Variants in FOXK2 observed in about 807,000 individuals in gnomAD.
FOXK2 encodes forkhead box K2.
In FOXK2, 24 loss-of-function variants were observed where a neutral mutation model predicts 53.3. That is an observed-to-expected ratio of 0.45 (90% confidence interval 0.33 to 0.63). The LOEUF (loss-of-function observed/expected upper bound fraction) is 0.63. FOXK2 is among the 30% of genes least tolerant of loss of function. The pLI, the probability that FOXK2 is intolerant of heterozygous loss-of-function variation, is 0.03. For synonymous variants in FOXK2, 505 were observed against 407.1 expected (o/e 1.24, Z -2.89); for missense variants, 952 against 910.5 (o/e 1.05, Z -0.59).
rs200821139 is a variant in FOXK2 at position 82,587,100 on chromosome 17, G to A, written c.1614G>A (p.Thr538=). ...VEPIPAIGHA[T]LGTASRIIQT... ...CTATTCCCGCCATTGGCCACGCCAC[G>A]CTCGGCACTGCCAGCCGGATCATTC... The change falls in exon 8 of 9, where the codon ACG becomes ACA. Residue 538 remains threonine, a synonymous_variant. Transcript: ENST00000335255. 377 of 1,602,072 alleles carry A rather than the reference G, an allele frequency of 2.4e-4. 1 individual carries two copies. In the East Asian group the frequency reaches 2.6e-3, roughly 11 times the overall value.
chr17:82,526,883 C>T (rs565145964), intron 1 of FOXK2, among the ~76,000 whole-genome samples: 82 of 150,956 alleles, frequency 5.4e-4, no homozygotes, highest in Non-Finnish European at 8.1e-4. Context: ...AGCTCTTTGC[C>T]GAGTAGACAG....
At chr17:82,564,157 G>C (rs548841530) in intron 2 of FOXK2, among the ~76,000 whole-genome samples, 1 of 142,540 alleles carries the variant, frequency 7.0e-6, no homozygotes, top group Admixed American at 7.1e-5. Flanking sequence ...GTGTGATCTC[G>C]GCTCACTGCA....
At chr17:82,586,925 T>G in intron 7 of FOXK2, 138 bp from the exon 8 acceptor site, 1 of 806,294 alleles carries the variant, frequency 1.2e-6, no homozygotes, top group East Asian at 2.6e-5. Context: ...GATTTGCTCA[T>G]CTTTTTCTAA....
chr17:82,562,173 C>T (rs1285075071), intron 1 of FOXK2, among the ~76,000 whole-genome samples: 1 of 152,198 alleles, frequency 6.6e-6, no homozygotes, highest in African/African-American at 2.4e-5. Context: ...GTCAAGGAAG[C>T]TACATGAAGT....
intron 1 of FOXK2, among the ~76,000 whole-genome samples, chr17:82,526,795 C>T (rs1283784392): frequency 1.3e-5 from 2 of 150,118 alleles, no homozygotes; most frequent in Non-Finnish European, 3.0e-5. Flanking sequence ...CGCGCCACTG[C>T]ACTCCAACCT....
intron 1 of FOXK2, among the ~76,000 whole-genome samples, chr17:82,547,378 A>G (rs1445697922): frequency 6.6e-6 from 1 of 152,174 alleles, no homozygotes; most frequent in Non-Finnish European, 1.5e-5. Flanking sequence ...AAAAATCACA[A>G]AAATCATAAT....
In FOXK2 at chr17:82,601,408, G is replaced by A. The variant is rs200173626; in HGVS notation, c.1892G>A (p.Arg631Gln). ...GDQPEQPELK[R>Q]IKTEDGEGIV... The stretch of plus-strand genomic sequence containing the variant: ...CAGCCGGAGCAGCCGGAGCTGAAGC[G>A]GATCAAGACAGAAGACGGCGAGGGC... The change falls in exon 9 of 9, where the codon CGG becomes CAG. Residue 631 changes from arginine to glutamine, a missense_variant. By Grantham distance (43) the Arg-to-Gln change is conservative (BLOSUM62 1). Transcript: ENST00000335255. 5.0e-6 allele frequency: 8 copies of A among 1,613,252 alleles called. No homozygotes were observed. Among genetic ancestry groups the A allele is most frequent in the Admixed American group, 1.7e-5 (1 of 60,032 alleles).
chr17:82,542,966 C>T (rs561456528), intron 1 of FOXK2, among the ~76,000 whole-genome samples: 2 of 152,200 alleles, frequency 1.3e-5, no homozygotes, highest in African/African-American at 4.8e-5. Context: ...TGCAGTGAGC[C>T]GTGATTGCAG....
intron 8 of FOXK2, among the ~76,000 whole-genome samples, chr17:82,597,880 C>A (rs1301517515): frequency 6.6e-6 from 1 of 152,188 alleles, no homozygotes; most frequent in African/African-American, 2.4e-5. Flanking sequence ...AAACTCCTGA[C>A]CTCAGGTGAT....
In FOXK2 at chr17:82,601,505, G is replaced by A. The variant is rs768711994; in HGVS notation, c.*6G>A. 31 of 1,593,814 alleles carry A rather than the reference G, an allele frequency of 1.9e-5. No individual in the cohort carries two copies. In the East Asian group the frequency reaches 2.9e-4, roughly 15 times the overall value. ...AAAAGGGTGTCCAGAACTAGCGACC[G>A]GGAGAGCTTTTCTTTAACGATATCA... On this transcript the variant is annotated 3_prime_UTR_variant, in exon 9 of 9. Coordinates refer to ENST00000335255, the MANE Select transcript of FOXK2 (RefSeq NM_004514.4).
chr17:82,564,482 C>T (rs771459517), intron 2 of FOXK2, among the ~76,000 whole-genome samples: 6 of 151,810 alleles, frequency 4.0e-5, no homozygotes, highest in African/African-American at 7.3e-5. Context: ...GTGATCCTCC[C>T]GCCTTGACCT....
chr17:82,585,935 C>T lies in FOXK2; in HGVS notation c.1311C>T (p.Ile437=). 6.2e-7 allele frequency: 1 copy of T among 1,612,468 alleles called. No homozygotes were observed. The highest frequency in any genetic ancestry group is 8.5e-7 in the Non-Finnish European group (1 of 1,179,684). The change falls in exon 7 of 9, where the codon ATC becomes ATT. Residue 437 remains isoleucine, a synonymous_variant. Coordinates refer to ENST00000335255, the MANE Select transcript of FOXK2 (RefSeq NM_004514.4). Reference sequence around the variant, plus strand: ...CTCTGTCCAGTCAGCCAGTCTTAATCACCGTCCAGCGGCAGCTACCACAGG... The same window carrying T: ...CTCTGTCCAGTCAGCCAGTCTTAATTACCGTCCAGCGGCAGCTACCACAGG... The part of the protein sequence containing the change: ...GSPLSSQPVL[I]TVQRQLPQAI...
chr17:82,587,477 G>T (rs1460278141), intron 8 of FOXK2: 5 of 593,100 alleles, frequency 8.4e-6, no homozygotes, highest in Non-Finnish European at 1.2e-5. Context: ...GGACCTGCCT[G>T]AAAAGAGATG....
At chr17:82,589,688 C>A (rs1198911424) in intron 8 of FOXK2, among the ~76,000 whole-genome samples, 2 of 151,984 alleles carry the variant, frequency 1.3e-5, no homozygotes, top group African/African-American at 4.8e-5. Flanking sequence ...GGGCCTGTTT[C>A]CACTCAGGAA....
In FOXK2 at chr17:82,587,177, C is replaced by G. The variant is rs1598233351; in HGVS notation, c.1691C>G (p.Pro564Arg). 6.2e-7 allele frequency: 1 copy of G among 1,612,930 alleles called. No individual in the cohort carries two copies. Among genetic ancestry groups the G allele is most frequent in the Admixed American group, 1.7e-5 (1 of 59,998 alleles). ...VQTVTIVQQA[P>R]LGQHQLPIKT... The stretch of plus-strand genomic sequence containing the variant: ...ACGGTGACCATAGTACAACAGGCAC[C>G]TCTAGGTCAACACCAGCTACCAATA... Residue 564 changes from proline (P) to arginine (R), a missense_variant, in exon 8 of 9, where the codon CCT becomes CGT. Pro to Arg is a moderately radical substitution (Grantham distance 103). Around this residue, in one of 5 missense-constraint regions of FOXK2, gnomAD observed 551 missense variants for 385.1 expected, o/e 1.43. Transcript: ENST00000335255.
At chr17:82,549,414 TC>T (rs2044655300) in intron 1 of FOXK2, among the ~76,000 whole-genome samples, 1 of 151,668 alleles carries the variant, frequency 6.6e-6, no homozygotes, top group Non-Finnish European at 1.5e-5. Context: ...AAAATTATTC[TC>T]CTTATTACAG....
At chr17:82,543,395 T>C (rs1164474223) in intron 1 of FOXK2, among the ~76,000 whole-genome samples, 1 of 151,888 alleles carries the variant, frequency 6.6e-6, no homozygotes, top group East Asian at 1.9e-4. Context: ...GGCATCTAAA[T>C]GAAGGCTTCT....
chr17:82,541,883 AT>A (rs557786535), intron 1 of FOXK2, among the ~76,000 whole-genome samples: 259 of 141,348 alleles, frequency 1.8e-3, no homozygotes, highest in Non-Finnish European at 1.8e-3. Context: ...AGCTAATTAA[AT>A]TTTTTTTTTT....
intron 8 of FOXK2, chr17:82,595,823 T>C (rs1246806805): frequency 5.4e-6 from 7 of 1,289,676 alleles, no homozygotes; most frequent in Non-Finnish European, 5.1e-6. Flanking sequence ...CAGCTCAGAC[T>C]GGAGTTGCCT....
Sources: allele counts gnomAD v4.1 joint callset (sites outside exome capture counted in the v4.1 genomes callset), GRCh38; gene constraint gnomAD v4.1.1; regional missense constraint gnomAD v4.1.1; transcripts MANE v1.5; gene names NCBI Gene and HGNC (gene_info 2026-07-23, HGNC 2026-07-21).